KAZN: variants seen among roughly 807,000 people sequenced by gnomAD.
The protein encoded by KAZN is kazrin, periplakin interacting protein.
Under a neutral mutation model 87.4 loss-of-function variants are expected in KAZN, and 40 were observed. The observed-to-expected ratio is 0.46, with a 90% CI of 0.36 to 0.60. The LOEUF (loss-of-function observed/expected upper bound fraction) is 0.60, where lower values mean the gene tolerates loss of function less well. Among genes scored for constraint, KAZN ranks in the 20% least tolerant of loss-of-function variants. KAZN has a pLI of 0.00. For synonymous variants in KAZN, 466 were observed against 458.3 expected (o/e 1.02, Z -0.22); for missense variants, 898 against 1,073.9 (o/e 0.84, Z 2.29).
intron 1 of KAZN, among the ~76,000 whole-genome samples, chr1:13,982,000 C>G (rs1638742437): frequency 6.6e-6 from 1 of 152,216 alleles, no homozygotes; most frequent in Admixed American, 6.5e-5. Flanking sequence ...GGGCTGTCCT[C>G]TTGGTTTGCT....
chr1:14,952,698 T>C (rs1461182586), intron 1 of KAZN, among the ~76,000 whole-genome samples: 2 of 152,128 alleles, frequency 1.3e-5, no homozygotes, highest in East Asian at 3.9e-4. Context: ...CTAGACTTGA[T>C]GGCTCAGCCT....
chr1:14,472,725 TC>T (rs1668520275), intron 2 of KAZN, among the ~76,000 whole-genome samples: 1 of 151,958 alleles, frequency 6.6e-6, no homozygotes, highest in South Asian at 2.1e-4. Flanking sequence ...TTCCCTGAGA[TC>T]TTTGTCTCTG....
chr1:14,123,629 G>C (rs947180259), intron 1 of KAZN, among the ~76,000 whole-genome samples: 4 of 152,214 alleles, frequency 2.6e-5, no homozygotes, highest in Admixed American at 1.3e-4. Context: ...AATTCCAATA[G>C]AGTCAACCAT....
Position 14,765,982 on chromosome 1 carries a change from T to C in KAZN, c.226+166759T>C, listed in dbSNP as rs192936585. ...TCTGTCGAAGGGTGTGTCTGTGTTG[T>C]CTCAGTCTGGTGCCCACAAAAGCCA... On this transcript the variant is annotated intron_variant, in intron 1 of 14. Coordinates refer to ENST00000376030, the MANE Select transcript of KAZN (RefSeq NM_201628.3). Among the ~76,000 whole-genome samples the C allele has an allele frequency of 3.9e-4, 59 of 152,274 alleles. No individual in the cohort carries two copies. In the East Asian group the frequency reaches 9.5e-3, roughly 24 times the overall value.
intron 2 of KAZN, among the ~76,000 whole-genome samples, chr1:14,199,461 C>T (rs1403920107): frequency 6.6e-6 from 1 of 152,262 alleles, no homozygotes; most frequent in East Asian, 1.9e-4. Context: ...TATAGTCCAC[C>T]ATCAATTCTC....
chr1:14,778,538 A>G (rs1645244768), intron 1 of KAZN, among the ~76,000 whole-genome samples: 1 of 152,176 alleles, frequency 6.6e-6, no homozygotes, highest in Non-Finnish European at 1.5e-5. Context: ...AGATCCGTTC[A>G]GTCCATTGGG....
Position 15,081,677 on chromosome 1 carries a change from T to G in KAZN, c.1223-12503T>G, listed in dbSNP as rs962829163. Among the ~76,000 whole-genome samples, 1 of 152,138 alleles carries G rather than the reference T, an allele frequency of 6.6e-6. No homozygotes were observed. Among genetic ancestry groups the G allele is most frequent in the Non-Finnish European group, 1.5e-5 (1 of 68,028 alleles). ...ATTGAAACAGAGCCCTGAGCCTGTG[T>G]AAGCTTCACCAGGCAGAGGAAAGTG... On this transcript the variant is annotated intron_variant, in intron 8 of 14. Coordinates refer to ENST00000376030, the MANE Select transcript of KAZN (RefSeq NM_201628.3). This position sits in a 1 kb window ranked among gnomAD's most constrained non-coding sequence, Gnocchi z 4.1.
intron 2 of KAZN, among the ~76,000 whole-genome samples, chr1:14,282,505 G>A (rs1368153607): frequency 2.0e-5 from 3 of 152,144 alleles, no homozygotes; most frequent in Non-Finnish European, 4.4e-5. Context: ...CTCATTCTGG[G>A]GATTCGGGGC....
chr1:15,050,116 T>TAGAGTAGAGTAG (rs140741292), intron 4 of KAZN, among the ~76,000 whole-genome samples: 5 of 72,270 alleles, frequency 6.9e-5, no homozygotes, highest in Non-Finnish European at 4.9e-5. Context: ...TAGAGTAGAG[T>TAGAGTAGAGTAG]AGTAGAGTAG....
intron 2 of KAZN, among the ~76,000 whole-genome samples, chr1:14,506,671 C>T (rs1053916038): frequency 6.6e-5 from 10 of 152,200 alleles, no homozygotes; most frequent in Non-Finnish European, 1.3e-4. Flanking sequence ...ATTGCTGACA[C>T]ATCATAAGTG....
rs1640008272 is a variant in KAZN at position 15,081,611 on chromosome 1, C to T, written c.1223-12569C>T. Among the ~76,000 whole-genome samples the T allele has an allele frequency of 6.6e-6, 1 of 152,070 alleles. No homozygotes were observed. ...GTGTGTTGGGGAGTTGTAGGGTACC[C>T]ACACTAGGTGACCAGGAAAGGAGTC... On this transcript the variant is annotated intron_variant, in intron 8 of 14. Transcript: ENST00000376030. The surrounding 1 kb of genome is among the most constrained non-coding windows in gnomAD (Gnocchi z 4.1).
intron 2 of KAZN, among the ~76,000 whole-genome samples, chr1:14,992,188 C>G (rs1266120607): frequency 6.6e-6 from 1 of 152,188 alleles, no homozygotes; most frequent in Non-Finnish European, 1.5e-5. Context: ...CAGAATCACA[C>G]ATGTCCCTAC....
chr1:14,186,940 T>C (rs1646320207), intron 2 of KAZN, among the ~76,000 whole-genome samples: 1 of 152,138 alleles, frequency 6.6e-6, no homozygotes, highest in Admixed American at 6.5e-5. Flanking sequence ...TGATAAATAC[T>C]GATGACAGCG....
At chr1:14,883,357 A>G (rs867063626) in intron 1 of KAZN, among the ~76,000 whole-genome samples, 759 of 39,250 alleles carry the variant, frequency 0.019, 7 homozygotes, top group East Asian at 0.072. Flanking sequence ...AAAGAAAGAA[A>G]AGAAAGAAAG....
chr1:15,008,429 C>G (rs1440010707), intron 2 of KAZN, among the ~76,000 whole-genome samples: 1 of 152,214 alleles, frequency 6.6e-6, no homozygotes, highest in Non-Finnish European at 1.5e-5. Context: ...GCCTTACTTT[C>G]TCATTCATCA....
intron 1 of KAZN, among the ~76,000 whole-genome samples, chr1:14,790,478 C>T (rs1387870902): frequency 6.6e-6 from 1 of 152,102 alleles, no homozygotes; most frequent in Non-Finnish European, 1.5e-5. Flanking sequence ...TTTAAGTGTA[C>T]AATTCAGCGA....
At chr1:14,339,699 G>A (rs916109893) in intron 2 of KAZN, among the ~76,000 whole-genome samples, 5 of 152,124 alleles carry the variant, frequency 3.3e-5, no homozygotes, top group South Asian at 4.1e-4. Context: ...ATTAAGGAGG[G>A]CAATCTGCTT....
intron 1 of KAZN, among the ~76,000 whole-genome samples, chr1:14,051,408 A>T (rs4662092): frequency 0.94 from 142,578 of 151,886 alleles, 67,024 homozygotes; most frequent in African/African-American, 0.97. Flanking sequence ...TTTTTTCTTT[A>T]TTTTTAATTC....
At chr1:14,632,834 G>A (rs1028007592) in intron 1 of KAZN, among the ~76,000 whole-genome samples, 1 of 152,032 alleles carries the variant, frequency 6.6e-6, no homozygotes, top group Non-Finnish European at 1.5e-5. Context: ...ACCGTGGCGT[G>A]ACCTGAATAC....
Sources: allele counts gnomAD v4.1 joint callset (sites outside exome capture counted in the v4.1 genomes callset), GRCh38; gene constraint gnomAD v4.1.1; non-coding constraint Gnocchi (gnomAD v3.1); transcripts MANE v1.5; gene names NCBI Gene and HGNC (gene_info 2026-07-23, HGNC 2026-07-21).